ZC3H11A: variants seen among roughly 807,000 people sequenced by gnomAD.
The protein encoded by ZC3H11A is zinc finger CCCH-type containing 11A.
Under a neutral mutation model 90.8 loss-of-function variants are expected in ZC3H11A, and 22 were observed. That is an observed-to-expected ratio of 0.24 (90% confidence interval 0.17 to 0.35). The LOEUF (loss-of-function observed/expected upper bound fraction) is 0.35. Among genes scored for constraint, ZC3H11A ranks in the 10% least tolerant of loss-of-function variants. The pLI, the probability that ZC3H11A is intolerant of heterozygous loss-of-function variation, is 1.00. For synonymous variants in ZC3H11A, 294 were observed against 339.8 expected, an observed-to-expected ratio of 0.87 and a Z score of 1.48; for missense variants, 701 against 964.9, an observed-to-expected ratio of 0.73 and a Z score of 3.62.
intron 11 of ZC3H11A, 33 bp downstream of exon 11, chr1:203,838,097 T>C: frequency 6.3e-7 from 1 of 1,594,804 alleles, no homozygotes; most frequent in Non-Finnish European, 8.6e-7. Flanking sequence ...TGTGTGTGTA[T>C]GTAATTATGA....
At chr1:203,822,939 C>T (rs1679260232) in intron 4 of ZC3H11A, among the ~76,000 whole-genome samples, 1 of 152,168 alleles carries the variant, frequency 6.6e-6, no homozygotes. Flanking sequence ...GTTCATGTGC[C>T]TGGGGTCAGC....
chr1:203,801,815 TGA>T lies in ZC3H11A; in HGVS notation c.-1346_-1345del, dbSNP rs1670616242. 1 of 55,796 alleles carries T rather than the reference TGA, an allele frequency of 1.8e-5. No individual in the cohort carries two copies. Among genetic ancestry groups the T allele is most frequent in the Non-Finnish European group, 3.6e-5 (1 of 27,762 alleles). The allele number at this position is 55,796 out of a possible 1,614,324, so 3.5% of individuals were successfully genotyped here. On this transcript the variant is annotated 5_prime_UTR_variant, in exon 2 of 18. It removes the in-frame stop codon of an upstream open reading frame in the 5' UTR. Transcript: ENST00000367210. ...ATCAAAATCGGGTTTTTTTTGGTTT[TGA>T]TTTTTTTTTTTTTTAAATTCTTAAA...
intron 1 of ZC3H11A, chr1:203,797,728 G>T: frequency 6.5e-7 from 1 of 1,535,246 alleles, no homozygotes; most frequent in Non-Finnish European, 8.7e-7. Flanking sequence ...AAGGGTTTGC[G>T]AATTAAGGGG....
At chr1:203,822,339 A>T (rs1475538955) in intron 4 of ZC3H11A, among the ~76,000 whole-genome samples, 1 of 151,944 alleles carries the variant, frequency 6.6e-6, no homozygotes, top group Non-Finnish European at 1.5e-5. Flanking sequence ...ACCATGTTTC[A>T]ACTCTAGTAC....
chr1:203,838,413 T>C (rs1036352736), intron 11 of ZC3H11A, among the ~76,000 whole-genome samples: 1 of 152,208 alleles, frequency 6.6e-6, no homozygotes, highest in Non-Finnish European at 1.5e-5. Flanking sequence ...GAAGAAGTTA[T>C]GTTAAAGTTT....
intron 1 of ZC3H11A, chr1:203,798,257 G>A (rs1457995593): frequency 8.5e-6 from 13 of 1,536,102 alleles, no homozygotes; most frequent in Middle Eastern, 1.7e-4. Flanking sequence ...CAGAAAGAGG[G>A]AGATTTCTCA....
In ZC3H11A at chr1:203,833,825, G is replaced by A; in HGVS notation, c.846G>A (p.Glu282=). Reference sequence around the variant, plus strand: ...CCTTGGTTAGATTGAGTCTTACTGAGAGACTGGGGAAACGAAAATTTTCAG... The same window carrying A: ...CCTTGGTTAGATTGAGTCTTACTGAAAGACTGGGGAAACGAAAATTTTCAG... ...EEPLVRLSLT[E]RLGKRKFSAG... The change falls in exon 10 of 18, where the codon GAG becomes GAA. Residue 282 remains glutamate, a synonymous_variant. Coordinates refer to ENST00000367210, the MANE Select transcript of ZC3H11A (RefSeq NM_001376342.1). 1 of 1,610,458 alleles carries A rather than the reference G, an allele frequency of 6.2e-7. No homozygotes were observed. Among genetic ancestry groups the A allele is most frequent in the East Asian group, 2.2e-5 (1 of 44,686 alleles).
At position 203,847,329 on chromosome 1, in the gene ZC3H11A, A is replaced by G; in HGVS notation, c.1188A>G (p.Arg396=). 6.2e-7 allele frequency: 1 copy of G among 1,613,998 alleles called. No homozygotes were observed. The highest frequency in any genetic ancestry group is 8.5e-7 in the Non-Finnish European group (1 of 1,179,870). The change falls in exon 13 of 18, where the codon AGA becomes AGG. Residue 396 remains arginine, a synonymous_variant. Transcript: ENST00000367210. ...SKTDDSTSGA[R]SSSTIRIKTF... ...CTGATGATTCTACTTCAGGAGCAAG[A>G]AGCTCCTCCACTATCCGTATCAAAA...
chr1:203,851,382 T>C (rs1689216318), intron 17 of ZC3H11A, among the ~76,000 whole-genome samples: 1 of 152,200 alleles, frequency 6.6e-6, no homozygotes, highest in South Asian at 2.1e-4. Context: ...CAGACTGGAG[T>C]GCAGTGGCAC....
At chr1:203,838,954 CAAAAAAAAA>C (rs59033094) in intron 11 of ZC3H11A, among the ~76,000 whole-genome samples, 1 of 97,944 alleles carries the variant, frequency 1.0e-5, no homozygotes, top group Admixed American at 1.1e-4. Flanking sequence ...GACTTCATCT[CAAAAAAAAA>C]AAAAAAAAAA....
intron 10 of ZC3H11A, chr1:203,835,969 G>T: frequency 6.0e-6 from 1 of 166,750 alleles, no homozygotes; most frequent in Non-Finnish European, 1.3e-5. Context: ...AGATGGTGGG[G>T]AGAGCTAAGA....
At position 203,829,589 on chromosome 1, in the gene ZC3H11A, A is replaced by G; in HGVS notation, c.437A>G (p.Asn146Ser). The G allele has an allele frequency of 6.2e-7, 1 of 1,614,164 alleles. No homozygotes were observed. Among genetic ancestry groups the G allele is most frequent in the Non-Finnish European group, 8.5e-7 (1 of 1,180,038 alleles). Residue 146 changes from asparagine to serine, a missense_variant, in exon 6 of 18, where the codon AAT becomes AGT. Around this residue, in one of 4 missense-constraint regions of ZC3H11A, gnomAD observed 530 missense variants for 696.2 expected, o/e 0.76. Transcript: ENST00000367210. ...GTTATGAAAGTAGAAAGTTCCGAAA[A>G]TGTTCCTAGCCCCACGCATCCACCA... Reference protein sequence around the residue: ...RSVMKVESSENVPSPTHPPVV... With the variant: ...RSVMKVESSESVPSPTHPPVV...
At chr1:203,805,986 G>A (rs755082377) in intron 2 of ZC3H11A, 8 of 580,592 alleles carry the variant, frequency 1.4e-5, no homozygotes, top group Non-Finnish European at 2.3e-5. Flanking sequence ...ATGACTGGAT[G>A]GTGTAATTAA....
At chr1:203,799,734 G>A (rs1400477758) in intron 1 of ZC3H11A, 1 of 762,958 alleles carries the variant, frequency 1.3e-6, no homozygotes, top group African/African-American at 1.7e-5. Context: ...TATTACTCAG[G>A]CCCTCAATCT....
rs536266349 is a variant in ZC3H11A, at chr1:203,825,064, G to A, written c.175-3235G>A. 4.2e-5 allele frequency among the ~76,000 whole-genome samples: 5 copies of A among 118,570 alleles called. No homozygotes were observed. The East Asian group carries it at 1.3e-3, about 30-fold the overall frequency. 77.8% of individuals were successfully genotyped at this position (118,570 alleles called of 152,430 possible). A position where few individuals can be genotyped will look rare whatever the true frequency, so the allele number is the denominator to read the frequency against. ...TGCACTCCAACCTGGGCAACAGAGCGAGACTCCGTCTCAAAAAAAAAAAAA... is the reference window on the plus strand; with the variant it reads ...TGCACTCCAACCTGGGCAACAGAGCAAGACTCCGTCTCAAAAAAAAAAAAA... On this transcript the variant is annotated intron_variant, in intron 4 of 17. Transcript: ENST00000367210.
intron 4 of ZC3H11A, among the ~76,000 whole-genome samples, chr1:203,822,584 C>T (rs1679147686): frequency 6.6e-6 from 1 of 152,060 alleles, no homozygotes; most frequent in South Asian, 2.1e-4. Flanking sequence ...CCTTCCTAAC[C>T]CCACTTGGTC....
chr1:203,809,860 A>C (rs1673734953), intron 2 of ZC3H11A, among the ~76,000 whole-genome samples: 1 of 152,180 alleles, frequency 6.6e-6, no homozygotes, highest in Non-Finnish European at 1.5e-5. Context: ...AGGGTGAGGC[A>C]GGAGAATTGC....
intron 10 of ZC3H11A, 186 bp downstream of exon 10, chr1:203,834,039 T>A: frequency 7.9e-7 from 1 of 1,261,596 alleles, no homozygotes; most frequent in Non-Finnish European, 1.0e-6. Flanking sequence ...AGATTTAAAG[T>A]GTTACAATTG....
intron 2 of ZC3H11A, among the ~76,000 whole-genome samples, chr1:203,806,826 G>A (rs1296421873): frequency 1.3e-4 from 8 of 61,404 alleles, no homozygotes; most frequent in East Asian, 1.1e-3. Context: ...TGCACCTCAG[G>A]TTCCTTTTTT....
Sources: allele counts gnomAD v4.1 joint callset (sites outside exome capture counted in the v4.1 genomes callset), GRCh38; gene constraint gnomAD v4.1.1; regional missense constraint gnomAD v4.1.1; transcripts MANE v1.5; gene names NCBI Gene and HGNC (gene_info 2026-07-23, HGNC 2026-07-21).